Variants in NAE1 observed in about 807,000 individuals in gnomAD.
NAE1 encodes the protein NEDD8-activating enzyme E1 regulatory subunit.
A neutral mutation model predicts 88.0 loss-of-function variants in NAE1; 59 were observed. That is an observed-to-expected ratio of 0.67 (90% confidence interval 0.54 to 0.83). The LOEUF is 0.83. NAE1 is among the 40% of genes least tolerant of loss of function. NAE1 has a pLI of 0.00. For missense variants in NAE1, 554 were observed against 632.8 expected, an observed-to-expected ratio of 0.88 and a Z score of 1.34; for synonymous variants, 186 against 208.9, an observed-to-expected ratio of 0.89 and a Z score of 0.95.
intron 3 of NAE1, among the ~76,000 whole-genome samples, chr16:66,825,400 T>C (rs184771806): frequency 1.1e-4 from 17 of 151,160 alleles, no homozygotes; most frequent in Admixed American, 5.3e-4. Context: ...TGAGCCGAGA[T>C]TGCACCACGG....
chr16:66,808,975 G>A lies in NAE1; in HGVS notation c.1237+14C>T, dbSNP rs778050393. On this transcript the variant is annotated intron_variant, in intron 16 of 19. Coordinates refer to ENST00000290810, the MANE Select transcript of NAE1 (RefSeq NM_003905.4). The stretch of plus-strand genomic sequence containing the variant: ...ATTAAAATTAACCCAGAATCAGAAG[G>A]CTATTATACTTACTAATTTCATCCT... 19 of 1,530,994 alleles carry A rather than the reference G, an allele frequency of 1.2e-5. No individual in the cohort carries two copies. In the South Asian group the frequency reaches 2.3e-4, roughly 18 times the overall value. 94.8% of individuals were successfully genotyped at this position (1,530,994 alleles called of 1,614,324 possible). A position where few individuals can be genotyped will look rare whatever the true frequency, so the allele number is the denominator to read the frequency against.
rs184895053 is a variant in NAE1, at chr16:66,818,111, A to C, written c.621+417T>G. Reference sequence around the variant, plus strand: ...CAAGCGTTTATCCTTTATGTTACAAATAATCCAATTAAACTCTTTTAATTA... The same window carrying C: ...CAAGCGTTTATCCTTTATGTTACAACTAATCCAATTAAACTCTTTTAATTA... On this transcript the variant is annotated intron_variant, in intron 8 of 19. Coordinates refer to ENST00000290810, the MANE Select transcript of NAE1 (RefSeq NM_003905.4). 6.5e-4 allele frequency among the ~76,000 whole-genome samples: 99 copies of C among 152,312 alleles called. 1 individual carries two copies. The Middle Eastern group carries it at 0.014, about 21-fold the overall frequency.
chr16:66,817,166 T>C, intron 9 of NAE1, 138 bp from the exon 10 acceptor site: 3 of 1,206,316 alleles, frequency 2.5e-6, no homozygotes, highest in Non-Finnish European at 3.4e-6. Context: ...GCTCACTTGA[T>C]AGAAAACAGA....
chr16:66,817,354 C>A, intron 9 of NAE1, 71 bp downstream of exon 9: 1 of 1,246,966 alleles, frequency 8.0e-7, no homozygotes. Flanking sequence ...TCCCATTCCC[C>A]ATCAAGGAAA....
Position 66,810,364 on chromosome 16 carries a change from G to A in NAE1, c.1150+10C>T. Reference sequence around the variant, plus strand: ...AAGCAAAATAAGGAAATTAATTCAAGGGGACTTACAGAGTAATTTTAATTC... The same window carrying A: ...AAGCAAAATAAGGAAATTAATTCAAAGGGACTTACAGAGTAATTTTAATTC... On this transcript the variant is annotated intron_variant, in intron 15 of 19. Coordinates refer to ENST00000290810, the MANE Select transcript of NAE1 (RefSeq NM_003905.4). The A allele has an allele frequency of 6.3e-7, 1 of 1,582,100 alleles. No homozygotes were observed. Among genetic ancestry groups the A allele is most frequent in the Non-Finnish European group, 8.7e-7 (1 of 1,152,826 alleles).
intron 1 of NAE1, among the ~76,000 whole-genome samples, chr16:66,830,612 G>A (rs1441777563): frequency 6.6e-6 from 1 of 152,202 alleles, no homozygotes; most frequent in Non-Finnish European, 1.5e-5. Flanking sequence ...CTGGCGCTGG[G>A]GACCCCGTCC....
chr16:66,814,454 G>A (rs1423259539), intron 11 of NAE1, among the ~76,000 whole-genome samples: 4 of 151,902 alleles, frequency 2.6e-5, no homozygotes, highest in Admixed American at 6.6e-5. Context: ...TTAGCTGCGC[G>A]TGGTGGCACG....
intron 7 of NAE1, among the ~76,000 whole-genome samples, chr16:66,820,764 G>A (rs1005645206): frequency 3.9e-5 from 6 of 152,160 alleles, no homozygotes; most frequent in African/African-American, 1.2e-4. Flanking sequence ...AGCCGGGCAC[G>A]GTGGCGGGCG....
intron 17 of NAE1, 174 bp from the exon 18 acceptor site, chr16:66,806,200 C>A (rs1959555509): frequency 2.0e-5 from 13 of 637,346 alleles, no homozygotes; most frequent in Non-Finnish European, 3.1e-5. Flanking sequence ...AATCAGAGAC[C>A]AACTAAAACC....
At chr16:66,816,709 T>C (rs1960056745) in intron 10 of NAE1, 37 bp from the exon 11 acceptor site, 1 of 1,454,588 alleles carries the variant, frequency 6.9e-7, no homozygotes, top group South Asian at 1.2e-5. Context: ...ACAGCCCTTT[T>C]CTTTTCACTC....
chr16:66,805,647 AAAAAG>A, intron 19 of NAE1, 125 bp downstream of exon 19: 1 of 834,206 alleles, frequency 1.2e-6, no homozygotes, highest in Non-Finnish European at 1.7e-6. Context: ...CAAAAAAAAA[AAAAAG>A]AAAGAAATAT....
Position 66,826,620 on chromosome 16 carries a change from T to C in NAE1, c.158-37A>G. On this transcript the variant is annotated intron_variant, in intron 2 of 19. Transcript: ENST00000290810. ...AACAGAGTCAGTCAGGAATACATAG[T>C]TCTAGGTCATAAACTTAAAGAAGTA... The C allele has an allele frequency of 3.1e-6, 5 of 1,613,912 alleles. No homozygotes were observed. The Middle Eastern group carries it at 8.2e-4, about 266-fold the overall frequency.
At chr16:66,830,795 G>A (rs966982499) in intron 1 of NAE1, 52 bp downstream of exon 1, 12 of 1,493,614 alleles carry the variant, frequency 8.0e-6, no homozygotes, top group Non-Finnish European at 1.1e-5. Flanking sequence ...GGCCCGGCCC[G>A]AATGCTGGAA....
At position 66,802,930 on chromosome 16, in the gene NAE1, G is replaced by A. The variant is rs779920705; in HGVS notation, c.*79C>T. 5.4e-4 allele frequency: 467 copies of A among 862,238 alleles called. 2 individuals are homozygous for A. The highest frequency in any genetic ancestry group is 2.4e-4 in the Middle Eastern group (1 of 4,134). 53.4% of individuals were successfully genotyped at this position (862,238 alleles called of 1,614,324 possible). On this transcript the variant is annotated 3_prime_UTR_variant, in exon 20 of 20. Transcript: ENST00000290810. The stretch of plus-strand genomic sequence containing the variant: ...AAAACAATTTAGCAGCTCTCCTTTA[G>A]AATTTTACAGACTAAAGCACAACCC...
intron 15 of NAE1, among the ~76,000 whole-genome samples, chr16:66,809,587 G>C (rs991337595): frequency 6.6e-6 from 1 of 152,040 alleles, no homozygotes; most frequent in African/African-American, 2.4e-5. Flanking sequence ...CAAATACCCA[G>C]CATCAAACTT....
At position 66,826,558 on chromosome 16, in the gene NAE1, A is replaced by G. The variant is rs1368891274; in HGVS notation, c.183T>C (p.Asp61=). The change falls in exon 3 of 20, where the codon GAT becomes GAC. Residue 61 remains aspartate, a synonymous_variant. Transcript: ENST00000290810. ...CATCTTCTCCGCTGACCTGATTTCC[A>G]TCAATAATTGTAAACGAACCAATAC... The part of the protein sequence containing the change: ...LPGIGSFTII[D]GNQVSGEDAG... 1 of 1,614,176 alleles carries G rather than the reference A, an allele frequency of 6.2e-7. No homozygotes were observed. The highest frequency in any genetic ancestry group is 8.5e-7 in the Non-Finnish European group (1 of 1,180,032).
intron 17 of NAE1, among the ~76,000 whole-genome samples, chr16:66,807,153 TC>T (rs1959597802): frequency 6.6e-6 from 1 of 152,112 alleles, no homozygotes. Flanking sequence ...ACTGCATGCC[TC>T]CCCAAGGAGA....
Position 66,816,691 on chromosome 16 carries a change from G to A in NAE1, c.749-19C>T, listed in dbSNP as rs1223636168. 1 of 1,546,618 alleles carries A rather than the reference G, an allele frequency of 6.5e-7. No individual in the cohort carries two copies. Among genetic ancestry groups the A allele is most frequent in the East Asian group, 2.3e-5 (1 of 44,428 alleles). ...AGAATTCCTATTGTAATGGGAAATT[G>A]TTAGCAAACAGCCCTTTTCTTTTCA... On this transcript the variant is annotated intron_variant, in intron 10 of 19. Coordinates refer to ENST00000290810, the MANE Select transcript of NAE1 (RefSeq NM_003905.4).
At chr16:66,805,627 G>C (rs1959532234) in intron 19 of NAE1, 150 bp downstream of exon 19, 1 of 629,002 alleles carries the variant, frequency 1.6e-6, no homozygotes, top group African/African-American at 1.9e-5. Context: ...AAAACAGTGA[G>C]ACTGCGTCTC....
Sources: allele counts gnomAD v4.1 joint callset (sites outside exome capture counted in the v4.1 genomes callset), GRCh38; gene constraint gnomAD v4.1.1; transcripts MANE v1.5; gene names NCBI Gene and HGNC (gene_info 2026-07-23, HGNC 2026-07-21).